CTDP1: variants seen among roughly 807,000 people sequenced by gnomAD.
CTDP1 encodes RNA polymerase II subunit A C-terminal domain phosphatase.
Under a neutral mutation model 91.8 loss-of-function variants are expected in CTDP1, and 47 were observed. The observed-to-expected ratio is 0.51, with a 90% CI of 0.41 to 0.65. The LOEUF (loss-of-function observed/expected upper bound fraction) is 0.65, where lower values mean the gene tolerates loss of function less well. Ranked by LOEUF, CTDP1 falls within the 30% of genes least tolerant of loss-of-function variation. The probability of loss-of-function intolerance (pLI) is 0.00; values close to 1 mark genes in which losing one functional copy is unlikely to be tolerated. For missense variants in CTDP1, 1,272 were observed against 1,373.7 expected (o/e 0.93, Z 1.17); for synonymous variants, 656 against 598.5 (o/e 1.10, Z -1.40).
chr18:79,746,731 C>T (rs573175251), intron 12 of CTDP1, among the ~76,000 whole-genome samples: 2 of 152,344 alleles, frequency 1.3e-5, no homozygotes, highest in South Asian at 4.1e-4. Context: ...ATCGTCCCGC[C>T]TCAACCTTCC....
At chr18:79,740,716 C>T (rs753422905) in intron 12 of CTDP1, among the ~76,000 whole-genome samples, 1 of 152,154 alleles carries the variant, frequency 6.6e-6, no homozygotes, top group Non-Finnish European at 1.5e-5. Context: ...TGAGTTTTAA[C>T]ATAAGGGGGA....
rs751525685 is a variant in CTDP1 at position 79,713,138 on chromosome 18, G to C, written c.1030G>C (p.Val344Leu). The change falls in exon 7 of 13, where the codon GTA becomes CTA. Residue 344 changes from valine to leucine, a missense_variant and splice_region_variant. Val to Leu is a conservative substitution (Grantham distance 32). Coordinates refer to ENST00000613122, the MANE Select transcript of CTDP1 (RefSeq NM_004715.5). The surrounding 1 kb of genome is among the most constrained non-coding windows in gnomAD (Gnocchi z 4.7). The part of the protein sequence containing the change: ...GSRESQTRKK[V>L]NHSRGTEVSE... ...CCGAGAATCTCAGACGAGAAAGAAAGGTGGGTAACCTCCTTCCTGATTCTC... is the reference window on the plus strand; with the variant it reads ...CCGAGAATCTCAGACGAGAAAGAAACGTGGGTAACCTCCTTCCTGATTCTC... The C allele has an allele frequency of 3.1e-6, 5 of 1,613,672 alleles. No homozygotes were observed. The highest frequency in any genetic ancestry group is 1.3e-5 in the African/African-American group (1 of 74,840).
rs1451303793 is a variant in CTDP1 at position 79,715,378 on chromosome 18, A to T, written c.1918A>T (p.Ile640Phe). The change falls in exon 8 of 13, where the codon ATT becomes TTT. Residue 640 changes from isoleucine to phenylalanine, a missense_variant. By Grantham distance (21) the Ile-to-Phe change is conservative. Transcript: ENST00000613122. Reference protein sequence around the residue: ...KSKVLADVAIIFSGLHPTNFP... With the variant: ...KSKVLADVAIFFSGLHPTNFP... ...CAAGGTGCTGGCAGACGTGGCCATA[A>T]TTTTCAGTGGGCTACACCCGACAAA... 3 of 1,607,708 alleles carry T rather than the reference A, an allele frequency of 1.9e-6. No homozygotes were observed. The highest frequency in any genetic ancestry group is 2.7e-5 in the African/African-American group (2 of 74,816).
At position 79,736,401 on chromosome 18, in the gene CTDP1, AGAGGAGGCCT is replaced by A; in HGVS notation, c.2634_2643del (p.Arg878SerfsTer42). 6.5e-7 allele frequency: 1 copy of A among 1,549,512 alleles called. No individual in the cohort carries two copies. The highest frequency in any genetic ancestry group is 8.7e-7 in the Non-Finnish European group (1 of 1,146,980). ...GGCAGCGACGACAGCGACAGCGAGAAGAGGAGGCCTGAGGAGCAGGAGGAGGAGCCCCAGC... is the reference window on the plus strand; with the variant it reads ...GGCAGCGACGACAGCGACAGCGAGAAGAGGAGCAGGAGGAGGAGCCCCAGC... On this transcript the variant is annotated frameshift_variant, in exon 12 of 13. Coordinates refer to ENST00000613122, the MANE Select transcript of CTDP1 (RefSeq NM_004715.5). LOFTEE classifies it high-confidence loss of function.
rs764572525 is a variant in CTDP1, at chr18:79,715,170, G to A, written c.1710G>A (p.Glu570=). ...NSELSGVTAG[E]SLDQSMEEEE... ...AGCTGTCGGGGGTCACTGCGGGTGA[G>A]TCCCTGGACCAGAGCATGGAGGAGG... Residue 570 remains glutamate, a synonymous_variant, in exon 8 of 13, where the codon GAG becomes GAA. Transcript: ENST00000613122. The A allele has an allele frequency of 5.0e-6, 8 of 1,613,268 alleles. No individual in the cohort carries two copies. Among genetic ancestry groups the A allele is most frequent in the South Asian group, 1.1e-5 (1 of 90,910 alleles).
chr18:79,734,371 G>A (rs1258645721), intron 11 of CTDP1, among the ~76,000 whole-genome samples: 1 of 152,278 alleles, frequency 6.6e-6, no homozygotes, highest in Non-Finnish European at 1.5e-5. Context: ...ACATCAGTGT[G>A]TTTACACGAG....
Position 79,704,817 on chromosome 18 carries a change from C to T in CTDP1, c.672C>T (p.Arg224=). The change falls in exon 5 of 13, where the codon CGC becomes CGT. Residue 224 remains arginine (R), a synonymous_variant. Coordinates refer to ENST00000613122, the MANE Select transcript of CTDP1 (RefSeq NM_004715.5). ...GGGGTGAGCCCATGCTGCACACGCG[C>T]CTGCGTCCACACTGCAAGGACTTCC... The part of the protein sequence containing the change: ...LGRGEPMLHT[R]LRPHCKDFLE... 1 of 1,614,040 alleles carries T rather than the reference C, an allele frequency of 6.2e-7. No individual in the cohort carries two copies. Among genetic ancestry groups the T allele is most frequent in the Non-Finnish European group, 8.5e-7 (1 of 1,180,048 alleles).
Position 79,714,997 on chromosome 18 carries a change from C to T in CTDP1, c.1537C>T (p.Leu513Phe), listed in dbSNP as rs2086171903. Residue 513 changes from leucine (L) to phenylalanine (F), a missense_variant, in exon 8 of 13, where the codon CTC (leucine) becomes TTC (phenylalanine). Physicochemically the swap from Leu to Phe is conservative, Grantham distance 22. Around this residue, in one of 3 missense-constraint regions of CTDP1, gnomAD observed 881 missense variants for 911.6 expected, o/e 0.97. Transcript: ENST00000613122. ...LEPGRPAAPS[L>F]PGEAEPGAHA... ...GCCGGGGCGGCCTGCAGCACCGAGT[C>T]TCCCCGGAGAGGCCGAGCCTGGCGC... is the stretch of plus-strand genomic sequence containing the variant. 6.3e-7 allele frequency: 1 copy of T among 1,583,746 alleles called. No homozygotes were observed. The highest frequency in any genetic ancestry group is 8.6e-7 in the Non-Finnish European group (1 of 1,166,234).
intron 12 of CTDP1, among the ~76,000 whole-genome samples, chr18:79,749,556 G>A (rs939799034): frequency 2.6e-4 from 39 of 150,832 alleles, no homozygotes; most frequent in African/African-American, 8.5e-4. Context: ...TGACCGTCCC[G>A]AGCTCGACCT....
chr18:79,727,606 C>G (rs528920989), intron 10 of CTDP1, among the ~76,000 whole-genome samples: 1 of 152,338 alleles, frequency 6.6e-6, no homozygotes, highest in African/African-American at 2.4e-5. Flanking sequence ...CGCAGATCAG[C>G]ACTTTCAGAT....
intron 12 of CTDP1, among the ~76,000 whole-genome samples, chr18:79,748,721 G>A (rs866500548): frequency 3.3e-5 from 5 of 152,202 alleles, no homozygotes; most frequent in Admixed American, 6.5e-5. Flanking sequence ...GCCTGCGGCC[G>A]CCTCATCTCA....
In CTDP1 at chr18:79,704,801, C is replaced by A; in HGVS notation, c.656C>A (p.Pro219His). 1 of 1,613,952 alleles carries A rather than the reference C, an allele frequency of 6.2e-7. No individual in the cohort carries two copies. The highest frequency in any genetic ancestry group is 8.5e-7 in the Non-Finnish European group (1 of 1,180,036). Residue 219 changes from proline to histidine, a missense_variant, in exon 5 of 13, where the codon CCC (proline) becomes CAC (histidine). By Grantham distance (77) the Pro-to-His change is moderately conservative. This residue lies in a region of CTDP1 where 177 missense variants were observed against 283.0 expected (regional missense o/e 0.63). Transcript: ENST00000613122. Reference protein sequence around the residue: ...IFHFQLGRGEPMLHTRLRPHC... With the variant: ...IFHFQLGRGEHMLHTRLRPHC... ...CACTTCCAGCTGGGCCGGGGTGAGC[C>A]CATGCTGCACACGCGCCTGCGTCCA... is the stretch of plus-strand genomic sequence containing the variant.
Position 79,694,489 on chromosome 18 carries a change from A to G in CTDP1, c.315-736A>G, listed in dbSNP as rs1199922953. Among the ~76,000 whole-genome samples the G allele has an allele frequency of 2.1e-4, 25 of 120,380 alleles. 1 individual carries two copies. The highest frequency in any genetic ancestry group is 8.8e-4 in the African/African-American group (24 of 27,274). 79.0% of individuals were successfully genotyped at this position (120,380 alleles called of 152,430 possible). Reference sequence around the variant, plus strand: ...TGGGCGCTGAGTGCTGGGCGGTCTCATGTCCACGGGGTGGGGTGGTCGGAG... The same window carrying G: ...TGGGCGCTGAGTGCTGGGCGGTCTCGTGTCCACGGGGTGGGGTGGTCGGAG... On this transcript the variant is annotated intron_variant, in intron 1 of 12. Coordinates refer to ENST00000613122, the MANE Select transcript of CTDP1 (RefSeq NM_004715.5).
intron 12 of CTDP1, among the ~76,000 whole-genome samples, chr18:79,748,266 C>T (rs1410643235): frequency 6.6e-6 from 1 of 152,216 alleles, no homozygotes; most frequent in African/African-American, 2.4e-5. Context: ...CTCCAAACAT[C>T]GTTTAACTAA....
Position 79,697,963 on chromosome 18 carries a change from A to C in CTDP1, c.596A>C (p.Gln199Pro). 1 of 1,614,244 alleles carries C rather than the reference A, an allele frequency of 6.2e-7. No individual in the cohort carries two copies. The highest frequency in any genetic ancestry group is 8.5e-7 in the Non-Finnish European group (1 of 1,180,044). Residue 199 changes from glutamine (Q) to proline (P), a missense_variant, in exon 4 of 13, where the codon CAG becomes CCG. Transcript: ENST00000613122. ...LDQTLIHTTE[Q>P]HCQQMSNKGI... Reference sequence around the variant, plus strand: ...CAGACGTTGATTCACACAACCGAGCAGCACTGTCAGCAGATGTCGAATAAA... The same window carrying C: ...CAGACGTTGATTCACACAACCGAGCCGCACTGTCAGCAGATGTCGAATAAA...
At chr18:79,683,858 T>A (rs556364674) in intron 1 of CTDP1, among the ~76,000 whole-genome samples, 6 of 152,360 alleles carry the variant, frequency 3.9e-5, no homozygotes, top group Admixed American at 2.0e-4. Context: ...TGAGGCTTGG[T>A]CGCTGTGTTC....
chr18:79,695,929 T>C (rs755442880), intron 2 of CTDP1, 48 bp from the exon 3 acceptor site: 1 of 1,460,426 alleles, frequency 6.8e-7, no homozygotes, highest in South Asian at 1.1e-5. Flanking sequence ...TGTGCATCTG[T>C]GCGCAGAGAC....
chr18:79,734,431 T>C (rs1007652956), intron 11 of CTDP1, among the ~76,000 whole-genome samples: 13 of 151,942 alleles, frequency 8.6e-5, no homozygotes, highest in Non-Finnish European at 1.6e-4. Context: ...GTAGGCGAGG[T>C]CAGGTTTTAA....
At chr18:79,679,319 C>G, upstream of CTDP1, 1 of 429,614 alleles carries the variant, frequency 2.3e-6, no homozygotes, top group Non-Finnish European at 4.8e-6. Context: ...ACCAGGACGC[C>G]GACAGCCTCA....
Sources: gnomAD v4.1 joint callset for allele counts (sites outside exome capture counted in the v4.1 genomes callset) on GRCh38, gnomAD v4.1.1 for gene constraint, gnomAD v4.1.1 regional missense constraint, Gnocchi (gnomAD v3.1) non-coding constraint, MANE v1.5 for transcripts, NCBI Gene and HGNC (gene_info 2026-07-23, HGNC 2026-07-21) for gene names.